HSPBAP1: variants seen among roughly 807,000 people sequenced by gnomAD.
HSPBAP1 encodes HSPB1 associated protein 1, also known as HSPB1-associated protein 1.
HSPBAP1 carries 27 observed loss-of-function variants against 45.2 expected under a neutral mutation model. The observed-to-expected ratio is 0.60, with a 90% CI of 0.44 to 0.82. The LOEUF (loss-of-function observed/expected upper bound fraction) is 0.82, where lower values mean the gene tolerates loss of function less well. Ranked by LOEUF, HSPBAP1 falls within the 40% of genes least tolerant of loss-of-function variation. The pLI, the probability that HSPBAP1 is intolerant of heterozygous loss-of-function variation, is 0.00. For missense variants in HSPBAP1, 510 were observed against 590.9 expected, an observed-to-expected ratio of 0.86 and a Z score of 1.42; for synonymous variants, 204 against 202.7, an observed-to-expected ratio of 1.01 and a Z score of -0.06.
intron 2 of HSPBAP1, 58 bp downstream of exon 2, chr3:122,777,663 T>C (rs1935231255): frequency 1.6e-6 from 2 of 1,250,152 alleles, no homozygotes; most frequent in Non-Finnish European, 2.2e-6. Flanking sequence ...AGGCCACTGC[T>C]GAGAATGTAG....
chr3:122,754,390 C>T (rs1158423702), intron 5 of HSPBAP1: 3 of 238,924 alleles, frequency 1.3e-5, no homozygotes, highest in South Asian at 3.0e-4. Context: ...CACAGAAGGC[C>T]CTGTATTATA....
At chr3:122,751,521 T>C (rs538431483) in intron 6 of HSPBAP1, among the ~76,000 whole-genome samples, 2 of 152,292 alleles carry the variant, frequency 1.3e-5, no homozygotes, top group African/African-American at 4.8e-5. Flanking sequence ...GTTTTGAGCA[T>C]GGAAGAAGAA....
chr3:122,780,510 A>C (rs1449512105), intron 1 of HSPBAP1, among the ~76,000 whole-genome samples: 2 of 100,328 alleles, frequency 2.0e-5, no homozygotes, highest in Non-Finnish European at 3.8e-5. Context: ...GCGGGGGCTG[A>C]CCCCCCCACC....
intron 1 of HSPBAP1, among the ~76,000 whole-genome samples, chr3:122,782,743 T>C (rs552575636): frequency 6.6e-6 from 1 of 152,298 alleles, no homozygotes; most frequent in South Asian, 2.1e-4. Flanking sequence ...ATTCAAAAAA[T>C]TAAGAAAAAT....
At chr3:122,750,729 G>A (rs1934106470) in intron 6 of HSPBAP1, among the ~76,000 whole-genome samples, 2 of 152,198 alleles carry the variant, frequency 1.3e-5, no homozygotes, top group African/African-American at 2.4e-5. Flanking sequence ...GGCACTAAAG[G>A]AGAAAGGGTA....
intron 6 of HSPBAP1, among the ~76,000 whole-genome samples, chr3:122,745,868 A>T (rs1933829410): frequency 6.6e-6 from 1 of 152,222 alleles, no homozygotes. Context: ...AACTGTCAAG[A>T]GAAAAAATTA....
At chr3:122,780,110 G>A (rs1226498357) in intron 1 of HSPBAP1, among the ~76,000 whole-genome samples, 5 of 147,098 alleles carry the variant, frequency 3.4e-5, no homozygotes, top group Admixed American at 6.8e-5. Flanking sequence ...CTCACCTCCC[G>A]GACGGGGCGG....
intron 4 of HSPBAP1, 39 bp downstream of exon 4, chr3:122,759,185 C>CACACACACACA: frequency 6.8e-7 from 1 of 1,462,924 alleles, no homozygotes; most frequent in Non-Finnish European, 9.1e-7. Flanking sequence ...CATGTGCGTT[C>CACACACACACA]CACACACACA....
intron 1 of HSPBAP1, among the ~76,000 whole-genome samples, chr3:122,792,444 G>A (rs1935861316): frequency 6.6e-6 from 1 of 152,206 alleles, no homozygotes; most frequent in Non-Finnish European, 1.5e-5. Flanking sequence ...TATAGATGAA[G>A]GTCAAGAATT....
chr3:122,757,695 A>C (rs1179820632), intron 4 of HSPBAP1, among the ~76,000 whole-genome samples: 1 of 152,170 alleles, frequency 6.6e-6, no homozygotes, highest in Non-Finnish European at 1.5e-5. Flanking sequence ...TACTAAAGCT[A>C]TTTTATTATT....
intron 3 of HSPBAP1, among the ~76,000 whole-genome samples, chr3:122,768,280 G>A (rs1934857787): frequency 6.6e-6 from 1 of 152,196 alleles, no homozygotes; most frequent in Non-Finnish European, 1.5e-5. Flanking sequence ...CCCTAGAGCA[G>A]GTAGAAATTG....
chr3:122,768,634 A>T (rs1934871839), intron 3 of HSPBAP1, 67 bp downstream of exon 3: 1 of 1,078,514 alleles, frequency 9.3e-7, no homozygotes, highest in Non-Finnish European at 1.4e-6. Context: ...TGCCAGGGAG[A>T]TTCTAATTTG....
chr3:122,765,055 T>C (rs935541138), intron 3 of HSPBAP1, among the ~76,000 whole-genome samples: 2 of 152,196 alleles, frequency 1.3e-5, no homozygotes, highest in African/African-American at 4.8e-5. Flanking sequence ...TAATGAATAA[T>C]GGCGTCTGAT....
At chr3:122,759,738 G>A (rs540574456) in intron 3 of HSPBAP1, among the ~76,000 whole-genome samples, 4 of 152,190 alleles carry the variant, frequency 2.6e-5, no homozygotes, top group Non-Finnish European at 4.4e-5. Context: ...GGGAAAGCGT[G>A]TTTTGGGCAG....
intron 3 of HSPBAP1, among the ~76,000 whole-genome samples, chr3:122,759,908 TCTC>T (rs1934508780): frequency 6.6e-6 from 1 of 152,226 alleles, no homozygotes; most frequent in Admixed American, 6.5e-5. Flanking sequence ...AATGAAGACT[TCTC>T]CTACATTAGT....
At chr3:122,749,145 C>T (rs368460947) in intron 6 of HSPBAP1, among the ~76,000 whole-genome samples, 2 of 151,256 alleles carry the variant, frequency 1.3e-5, no homozygotes, top group African/African-American at 4.9e-5. Context: ...TATTCATTTA[C>T]TTACTTTTAT....
intron 3 of HSPBAP1, among the ~76,000 whole-genome samples, chr3:122,766,077 A>G (rs939958581): frequency 2.0e-5 from 3 of 152,242 alleles, no homozygotes; most frequent in African/African-American, 7.2e-5. Flanking sequence ...CAGAGAATCC[A>G]GCTGTCTTCT....
At chr3:122,754,203 T>C (rs1452277626) in intron 5 of HSPBAP1, 2 of 152,704 alleles carry the variant, frequency 1.3e-5, no homozygotes, top group African/African-American at 4.8e-5. Context: ...GCATTACTTA[T>C]AATAGCCAAC....
At chr3:122,787,002 T>C (rs1935680559) in intron 1 of HSPBAP1, among the ~76,000 whole-genome samples, 1 of 152,232 alleles carries the variant, frequency 6.6e-6, no homozygotes. Flanking sequence ...TCCATGCTAA[T>C]AATATTTTGC....
Sources: allele counts gnomAD v4.1 joint callset (sites outside exome capture counted in the v4.1 genomes callset), GRCh38; gene constraint gnomAD v4.1.1; transcripts MANE v1.5; gene names NCBI Gene and HGNC (gene_info 2026-07-23, HGNC 2026-07-21).